The following R3HDM1 variants were observed in gnomAD, a reference collection of about 807,000 sequenced individuals.
R3HDM1 encodes the protein R3H domain-containing protein 1.
R3HDM1 carries 46 observed loss-of-function variants against 141.1 expected under a neutral mutation model. That is an observed-to-expected ratio of 0.33 (90% CI 0.26 to 0.42). The LOEUF is 0.42. Ranked by LOEUF, R3HDM1 falls within the 10% of genes least tolerant of loss-of-function variation. R3HDM1 has a pLI of 1.00. For synonymous variants in R3HDM1, 435 were observed against 472.9 expected (o/e 0.92, Z 1.04); for missense variants, 1,184 against 1,368.3 (o/e 0.87, Z 2.12).
intron 1 of R3HDM1, among the ~76,000 whole-genome samples, chr2:135,549,212 A>C (rs1256182572): frequency 6.6e-6 from 1 of 152,168 alleles, no homozygotes; most frequent in Non-Finnish European, 1.5e-5. Context: ...TTTAATTTTA[A>C]AGAACACATA....
intron 21 of R3HDM1, among the ~76,000 whole-genome samples, chr2:135,688,968 A>G (rs2071868309): frequency 6.6e-6 from 1 of 152,220 alleles, no homozygotes; most frequent in Admixed American, 6.5e-5. Flanking sequence ...TTACATTTCT[A>G]GAATCTCATT....
At chr2:135,697,479 G>A (rs1259784267) in intron 21 of R3HDM1, among the ~76,000 whole-genome samples, 1 of 152,172 alleles carries the variant, frequency 6.6e-6, no homozygotes, top group Non-Finnish European at 1.5e-5. Flanking sequence ...TAGCAACAAT[G>A]TTTAGCCTAA....
chr2:135,721,360 GCTA>G (rs2105469379), intron 24 of R3HDM1: 1 of 152,730 alleles, frequency 6.5e-6, no homozygotes, highest in South Asian at 2.1e-4. Context: ...TGTAGTCCCA[GCTA>G]CTTGTGAGGC....
intron 1 of R3HDM1, among the ~76,000 whole-genome samples, chr2:135,574,303 T>C (rs1468066425): frequency 1.3e-5 from 2 of 152,170 alleles, no homozygotes; most frequent in African/African-American, 4.8e-5. Context: ...ATTACCAACA[T>C]GGAGTTAGAG....
intron 1 of R3HDM1, among the ~76,000 whole-genome samples, chr2:135,542,476 T>C (rs981565953): frequency 7.2e-5 from 11 of 152,230 alleles, no homozygotes; most frequent in Admixed American, 7.2e-4. Context: ...CATTCTCCTT[T>C]TGTTAGGTCT....
intron 21 of R3HDM1, among the ~76,000 whole-genome samples, chr2:135,701,382 G>C (rs2074182581): frequency 1.3e-5 from 2 of 152,090 alleles, no homozygotes; most frequent in African/African-American, 4.8e-5. Flanking sequence ...CTGGGTCACA[G>C]AGCAAGACCC....
intron 3 of R3HDM1, among the ~76,000 whole-genome samples, chr2:135,614,493 G>C (rs2060834529): frequency 6.6e-6 from 1 of 152,296 alleles, no homozygotes; most frequent in South Asian, 2.1e-4. Flanking sequence ...CAAGAATCCT[G>C]TGAATTAGTG....
chr2:135,572,452 T>G (rs1573948584), intron 1 of R3HDM1, among the ~76,000 whole-genome samples: 1 of 152,150 alleles, frequency 6.6e-6, no homozygotes. Context: ...CAAGGAAATG[T>G]AAATCAAAAC....
chr2:135,720,195 A>C (rs2076569969), intron 24 of R3HDM1, among the ~76,000 whole-genome samples: 2 of 152,164 alleles, frequency 1.3e-5, no homozygotes, highest in Admixed American at 1.3e-4. Context: ...CTCTGATCTC[A>C]GTGCTAAACC....
intron 1 of R3HDM1, among the ~76,000 whole-genome samples, chr2:135,585,535 C>T (rs1707696920): frequency 1.3e-5 from 2 of 152,144 alleles, no homozygotes; most frequent in Admixed American, 1.3e-4. Flanking sequence ...ACATGCTATA[C>T]CCAGCTATCA....
chr2:135,665,820 TTG>T (rs1355923303), intron 19 of R3HDM1, among the ~76,000 whole-genome samples: 1 of 152,180 alleles, frequency 6.6e-6, no homozygotes, highest in Non-Finnish European at 1.5e-5. Flanking sequence ...TTTAGGGATA[TTG>T]TTATATATGA....
intron 1 of R3HDM1, among the ~76,000 whole-genome samples, chr2:135,595,109 A>G (rs1056744524): frequency 7.9e-5 from 12 of 152,254 alleles, no homozygotes; most frequent in Admixed American, 7.2e-4. Flanking sequence ...CCAAGTCTAT[A>G]TATCCAATTT....
chr2:135,545,323 T>C (rs1284501171), intron 1 of R3HDM1, among the ~76,000 whole-genome samples: 1 of 152,208 alleles, frequency 6.6e-6, no homozygotes, highest in Non-Finnish European at 1.5e-5. Context: ...GAATGAAATA[T>C]TTAAGTATAA....
intron 1 of R3HDM1, among the ~76,000 whole-genome samples, chr2:135,576,379 TAAAA>T (rs745371609): frequency 5.3e-5 from 8 of 150,264 alleles, no homozygotes; most frequent in Non-Finnish European, 7.4e-5. Flanking sequence ...AAAAAAAAAA[TAAAA>T]AAAAGTGTTA....
At chr2:135,601,042 A>C (rs549152919) in intron 1 of R3HDM1, among the ~76,000 whole-genome samples, 2 of 152,222 alleles carry the variant, frequency 1.3e-5, no homozygotes, top group Non-Finnish European at 2.9e-5. Flanking sequence ...TAAGAGATTC[A>C]TGATAAAATT....
At chr2:135,572,360 A>C (rs1704328561) in intron 1 of R3HDM1, among the ~76,000 whole-genome samples, 2 of 152,250 alleles carry the variant, frequency 1.3e-5, no homozygotes, top group Admixed American at 1.3e-4. Context: ...AAAAGGGGCA[A>C]ATGATCTGAA....
At chr2:135,699,013 AGAT>A (rs2073741471) in intron 21 of R3HDM1, among the ~76,000 whole-genome samples, 2 of 116,100 alleles carry the variant, frequency 1.7e-5, no homozygotes, top group Admixed American at 8.2e-5. Context: ...ATAGATAGAT[AGAT>A]AGATAGATAG....
At chr2:135,631,569 TAATA>T (rs1172285980) in intron 7 of R3HDM1, 145 bp from the exon 8 acceptor site, 1 of 538,060 alleles carries the variant, frequency 1.9e-6, no homozygotes, top group Non-Finnish European at 3.0e-6. Flanking sequence ...TTTAAAACAT[TAATA>T]AATATTCTAG....
rs138009242 is a variant in R3HDM1 at position 135,560,765 on chromosome 2, C to T, written c.-250+29132C>T. ...TGGGCATCTGGAACAGTACACTTCC[C>T]AGTCCCGTTGCACTTAGGTGGTACC... On this transcript the variant is annotated intron_variant, in intron 1 of 26. Coordinates refer to ENST00000683871, the MANE Select transcript of R3HDM1 (RefSeq NM_001378107.1). 2.6e-4 allele frequency among the ~76,000 whole-genome samples: 40 copies of T among 152,286 alleles called. No individual in the cohort carries two copies. The East Asian group carries it at 7.3e-3, about 28-fold the overall frequency.
Sources: allele counts gnomAD v4.1 joint callset (sites outside exome capture counted in the v4.1 genomes callset), GRCh38; gene constraint gnomAD v4.1.1; transcripts MANE v1.5; gene names NCBI Gene and HGNC (gene_info 2026-07-23, HGNC 2026-07-21).